Variants in ACP6 observed in about 807,000 individuals in gnomAD.
The protein encoded by ACP6 is lysophosphatidic acid phosphatase type 6.
A neutral mutation model predicts 48.1 loss-of-function variants in ACP6; 48 were observed. That is an observed-to-expected ratio of 1.00 (90% confidence interval 0.79 to 1.27). The LOEUF (loss-of-function observed/expected upper bound fraction) is 1.27, where lower values mean the gene tolerates loss of function less well. Among genes scored for constraint, ACP6 ranks in the 50% most tolerant of loss-of-function variants. The pLI is 0.00. For missense variants in ACP6, 485 were observed against 529.1 expected, an observed-to-expected ratio of 0.92 and a Z score of 0.82; for synonymous variants, 172 against 204.2, an observed-to-expected ratio of 0.84 and a Z score of 1.34.
In ACP6 at chr1:147,642,678, G is replaced by A. The variant is rs1455121347; in HGVS notation, c.*4745C>T. On this transcript the variant is annotated 3_prime_UTR_variant, in exon 10 of 10. Transcript: ENST00000583509. ...GGGGATATGTCATTCAAATGTCCAA[G>A]TGTCTGAGCACTGGCATGCACTAGG... 6.6e-6 allele frequency: 1 copy of A among 152,186 alleles called. No homozygotes were observed. The highest frequency in any genetic ancestry group is 2.4e-5 in the African/African-American group (1 of 41,426). The allele number at this position is 152,186 out of a possible 1,614,324, so 9.4% of individuals were successfully genotyped here.
At chr1:147,641,831 C>T (rs1420983461), downstream of ACP6, among the ~76,000 whole-genome samples, 1 of 152,210 alleles carries the variant, frequency 6.6e-6, no homozygotes, top group Non-Finnish European at 1.5e-5. Flanking sequence ...ATCTCCTGCA[C>T]ACACAGGCAC....
intron 6 of ACP6, among the ~76,000 whole-genome samples, chr1:147,653,072 C>G (rs1229403448): frequency 6.6e-6 from 1 of 152,250 alleles, no homozygotes; most frequent in African/African-American, 2.4e-5. Context: ...CGTGATCCAC[C>G]CTTCTCGGCC....
downstream of ACP6, among the ~76,000 whole-genome samples, chr1:147,640,904 C>G (rs587643096): frequency 8.5e-5 from 13 of 152,216 alleles, no homozygotes; most frequent in Non-Finnish European, 1.9e-4. Flanking sequence ...TGGGAAGGGC[C>G]GGGCTGCAAA....
At chr1:147,647,882 ACAC>A in intron 9 of ACP6, 1 of 485,310 alleles carries the variant, frequency 2.1e-6, no homozygotes, top group Non-Finnish European at 3.7e-6. Flanking sequence ...GAAGCAGCCA[ACAC>A]CACGGGTGCT....
intron 5 of ACP6, among the ~76,000 whole-genome samples, chr1:147,635,756 G>T (rs1200726370): frequency 3.9e-5 from 6 of 152,206 alleles, no homozygotes; most frequent in African/African-American, 1.4e-4. Flanking sequence ...GGGAGTGAGA[G>T]AATAGAGAGC....
rs1295386825 is a variant in ACP6 at position 147,669,990 on chromosome 1, A to T, written c.59T>A (p.Leu20Gln). The T allele has an allele frequency of 1.3e-6, 2 of 1,548,532 alleles. No homozygotes were observed. Among genetic ancestry groups the T allele is most frequent in the East Asian group, 2.4e-5 (1 of 40,930 alleles). The part of the protein sequence containing the change: ...LWTPVGVLTS[L>Q]AYCLHQRRVA... ...CCGCCGCTGGTGCAGGCAGTACGCC[A>T]GCGAGGTCAGGACGCCCACTGGGGT... The change falls in exon 1 of 10, where the codon CTG (leucine) becomes CAG (glutamine). Residue 20 changes from leucine to glutamine, a missense_variant. Transcript: ENST00000583509.
intron 5 of ACP6, among the ~76,000 whole-genome samples, chr1:147,636,934 T>C (rs1469411617): frequency 6.6e-5 from 10 of 152,088 alleles, no homozygotes; most frequent in Non-Finnish European, 1.5e-5. Flanking sequence ...AGCACCACAG[T>C]GGAAATTCCA....
At position 147,647,314 on chromosome 1, in the gene ACP6, T is replaced by C; in HGVS notation, c.*109A>G. The C allele has an allele frequency of 1.6e-6, 2 of 1,275,892 alleles. No individual in the cohort carries two copies. Among genetic ancestry groups the C allele is most frequent in the South Asian group, 1.4e-5 (1 of 71,980 alleles). The allele number at this position is 1,275,892 out of a possible 1,614,324, so 79.0% of individuals were successfully genotyped here. Reference sequence around the variant, plus strand: ...AGAAAGGAAATATCCTTACATTATATTAAAGTACATTACCCCTTGCTCTCT... The same window carrying C: ...AGAAAGGAAATATCCTTACATTATACTAAAGTACATTACCCCTTGCTCTCT... On this transcript the variant is annotated 3_prime_UTR_variant, in exon 10 of 10. Coordinates refer to ENST00000583509, the MANE Select transcript of ACP6 (RefSeq NM_016361.5).
At chr1:147,657,883 G>T (rs587698443) in intron 4 of ACP6, among the ~76,000 whole-genome samples, 2 of 152,368 alleles carry the variant, frequency 1.3e-5, no homozygotes, top group East Asian at 3.9e-4. Context: ...GGAAACCTGG[G>T]ATATTCCCAG....
intron 1 of ACP6, among the ~76,000 whole-genome samples, chr1:147,668,828 C>T (rs587705872): frequency 3.3e-5 from 5 of 152,254 alleles, no homozygotes; most frequent in East Asian, 3.9e-4. Flanking sequence ...ATTTCATGTG[C>T]GGCCAACCTT....
intron 6 of ACP6, among the ~76,000 whole-genome samples, chr1:147,653,515 T>C (rs1203990010): frequency 3.3e-5 from 5 of 152,140 alleles, no homozygotes; most frequent in African/African-American, 1.2e-4. Flanking sequence ...TTTCCCAAAA[T>C]GAAGTCTAAA....
chr1:147,669,889 G>A lies in ACP6; in HGVS notation c.160C>T (p.Gln54Ter), dbSNP rs1553214349. The part of the protein sequence containing the change: ...DRSLLKLKMV[Q>*]VVFRHGARSP... ...CGAGCCCCGTGTCGAAACACGACCT[G>A]CACCATTTTCAACTTCAGCAGGCTG... is the stretch of plus-strand genomic sequence containing the variant. Residue 54 changes from glutamine to a stop codon, truncating the protein, a stop_gained, in exon 1 of 10, where the codon CAG becomes TAG. Coordinates refer to ENST00000583509, the MANE Select transcript of ACP6 (RefSeq NM_016361.5). LOFTEE classifies it high-confidence loss of function. 1 of 1,602,758 alleles carries A rather than the reference G, an allele frequency of 6.2e-7. No individual in the cohort carries two copies. The highest frequency in any genetic ancestry group is 2.2e-5 in the East Asian group (1 of 44,730).
In ACP6 at chr1:147,658,892, TA is replaced by T. The variant is rs1222012772; in HGVS notation, c.559+67del. ...AAGGGAACAGGCACCAAGAAAGAGA[TA>T]GGGGCTTCGGAAGTGAGAAGCAAGA... is the stretch of plus-strand genomic sequence containing the variant. On this transcript the variant is annotated intron_variant, in intron 4 of 9. Transcript: ENST00000583509. The T allele has an allele frequency of 3.6e-5, 52 of 1,433,248 alleles. No homozygotes were observed. The African/African-American group carries it at 4.0e-4, about 11-fold the overall frequency. 88.8% of individuals were successfully genotyped at this position (1,433,248 alleles called of 1,614,324 possible). A position where few individuals can be genotyped will look rare whatever the true frequency, so the allele number is the denominator to read the frequency against.
chr1:147,654,363 A>G, intron 5 of ACP6, 37 bp from the exon 6 acceptor site: 1 of 1,604,950 alleles, frequency 6.2e-7, no homozygotes, highest in East Asian at 2.2e-5. Flanking sequence ...TATATTCTAT[A>G]GTGATTAACA....
intron 5 of ACP6, among the ~76,000 whole-genome samples, chr1:147,633,630 C>T (rs1659226660): frequency 1.3e-5 from 2 of 151,392 alleles, no homozygotes; most frequent in Non-Finnish European, 2.9e-5. Context: ...TTATTTTTAT[C>T]CTATATTCAG....
At chr1:147,668,795 G>A (rs935262912) in intron 1 of ACP6, among the ~76,000 whole-genome samples, 2 of 152,212 alleles carry the variant, frequency 1.3e-5, no homozygotes, top group Admixed American at 6.5e-5. Context: ...ATTTATTTAT[G>A]TGGAAAATGC....
chr1:147,631,248 C>G (rs1463771983), intron 5 of ACP6, among the ~76,000 whole-genome samples: 4 of 152,162 alleles, frequency 2.6e-5, no homozygotes, highest in Non-Finnish European at 5.9e-5. Context: ...CACCCCACTT[C>G]CCCATCACAG....
At chr1:147,631,028 ATTTTCT>A (rs1553207296) in exon 6 of ACP6, 1 of 152,192 alleles carries the variant, frequency 6.6e-6, no homozygotes. Flanking sequence ...AAGCCCTAGA[ATTTTCT>A]TCATTCCTGT....
chr1:147,641,321 C>A (rs587628846), downstream of ACP6, among the ~76,000 whole-genome samples: 5 of 152,326 alleles, frequency 3.3e-5, no homozygotes, highest in South Asian at 1.0e-3. Flanking sequence ...GGGTTTCTGT[C>A]CCCTTGCTGC....
Sources: allele counts gnomAD v4.1 joint callset (sites outside exome capture counted in the v4.1 genomes callset), GRCh38; gene constraint gnomAD v4.1.1; transcripts MANE v1.5; gene names NCBI Gene and HGNC (gene_info 2026-07-23, HGNC 2026-07-21).